The following SYN3 variants were observed in gnomAD, a reference collection of about 807,000 sequenced individuals.
SYN3 encodes synapsin III.
SYN3 carries 35 observed loss-of-function variants against 65.8 expected under a neutral mutation model. The observed-to-expected ratio is 0.53, with a 90% confidence interval of 0.41 to 0.70. The LOEUF is 0.70. SYN3 is among the 30% of genes least tolerant of loss of function. The pLI, the probability that SYN3 is intolerant of heterozygous loss-of-function variation, is 0.00. For synonymous variants in SYN3, 270 were observed against 292.9 expected, an observed-to-expected ratio of 0.92 and a Z score of 0.80; for missense variants, 680 against 749.0, an observed-to-expected ratio of 0.91 and a Z score of 1.08.
At chr22:32,666,885 A>G (rs1335154824) in intron 6 of SYN3, among the ~76,000 whole-genome samples, 1 of 151,644 alleles carries the variant, frequency 6.6e-6, no homozygotes, top group African/African-American at 2.4e-5. Flanking sequence ...ATAATGAACC[A>G]CCTCCCCACC....
chr22:32,770,849 G>GACACATAT (rs2045748163), intron 6 of SYN3, among the ~76,000 whole-genome samples: 2 of 65,862 alleles, frequency 3.0e-5, no homozygotes, highest in Non-Finnish European at 5.5e-5. Flanking sequence ...AAGAGTGCCT[G>GACACATAT]GCACATATGT....
At chr22:32,555,023 C>G (rs553702771) in intron 7 of SYN3, among the ~76,000 whole-genome samples, 152 of 152,314 alleles carry the variant, frequency 1.0e-3, no homozygotes, top group Non-Finnish European at 1.8e-3. Flanking sequence ...AATGTTATAA[C>G]TATCATTATT....
intron 6 of SYN3, among the ~76,000 whole-genome samples, chr22:32,814,604 T>G (rs1377319622): frequency 6.6e-6 from 1 of 152,234 alleles, no homozygotes; most frequent in East Asian, 1.9e-4. Context: ...GGATAGATTT[T>G]ATTTATTCAG....
chr22:32,542,874 G>A lies in SYN3; in HGVS notation c.775-1161C>T, dbSNP rs566841410. Among the ~76,000 whole-genome samples, 63 of 152,100 alleles carry A rather than the reference G, an allele frequency of 4.1e-4. 1 individual carries two copies. Among genetic ancestry groups the A allele is most frequent in the African/African-American group, 1.5e-3 (63 of 41,510 alleles). ...ACAGAGGCTGACTCCCAGCGGCTGTGGACAGCTGGGCCAGCTGCTCCCTCC... is the reference window on the plus strand; with the variant it reads ...ACAGAGGCTGACTCCCAGCGGCTGTAGACAGCTGGGCCAGCTGCTCCCTCC... On this transcript the variant is annotated intron_variant, in intron 7 of 13. Coordinates refer to ENST00000358763, the MANE Select transcript of SYN3 (RefSeq NM_003490.4).
At chr22:32,765,123 A>C (rs2045590135) in intron 6 of SYN3, among the ~76,000 whole-genome samples, 1 of 151,810 alleles carries the variant, frequency 6.6e-6, no homozygotes, top group South Asian at 2.1e-4. Flanking sequence ...TGAGAGCGAG[A>C]GAGTGTGTGA....
At chr22:32,726,263 T>C (rs538504430) in intron 6 of SYN3, among the ~76,000 whole-genome samples, 2 of 152,278 alleles carry the variant, frequency 1.3e-5, no homozygotes, top group East Asian at 3.9e-4. Context: ...TTGCCTCAGC[T>C]TCCCAAGTAG....
At chr22:32,904,685 T>C (rs1461298432) in intron 4 of SYN3, among the ~76,000 whole-genome samples, 1 of 152,198 alleles carries the variant, frequency 6.6e-6, no homozygotes, top group Non-Finnish European at 1.5e-5. Flanking sequence ...TGGGATTTTA[T>C]AAAGCATTTG....
chr22:32,700,601 A>G lies in SYN3; in HGVS notation c.712-103865T>C, dbSNP rs184940261. 1.9e-3 allele frequency among the ~76,000 whole-genome samples: 285 copies of G among 152,328 alleles called. 2 individuals are homozygous for G. The highest frequency in any genetic ancestry group is 6.6e-3 in the African/African-American group (275 of 41,566). On this transcript the variant is annotated intron_variant, in intron 6 of 13. Coordinates refer to ENST00000358763, the MANE Select transcript of SYN3 (RefSeq NM_003490.4). Reference sequence around the variant, plus strand: ...TCCCTTTCATAAACACTCACTAAGCACCGGTCACGTGCCAACCAATGCATC... The same window carrying G: ...TCCCTTTCATAAACACTCACTAAGCGCCGGTCACGTGCCAACCAATGCATC...
chr22:32,556,709 AG>A (rs2058501617), intron 7 of SYN3, among the ~76,000 whole-genome samples: 1 of 151,376 alleles, frequency 6.6e-6, no homozygotes, highest in African/African-American at 2.4e-5. Context: ...TGTAAAACAC[AG>A]GTCTGAGAAA....
intron 7 of SYN3, among the ~76,000 whole-genome samples, chr22:32,590,515 C>T (rs2059113617): frequency 6.6e-6 from 1 of 152,180 alleles, no homozygotes; most frequent in South Asian, 2.1e-4. Context: ...TTTGGTCACA[C>T]ATGCATGTAT....
chr22:32,617,292 C>A (rs1209537948), intron 6 of SYN3, among the ~76,000 whole-genome samples: 1 of 152,122 alleles, frequency 6.6e-6, no homozygotes, highest in Non-Finnish European at 1.5e-5. Context: ...GATGAAAGGA[C>A]ATGGTGTCTT....
At chr22:32,974,029 T>C (rs2052104313) in intron 3 of SYN3, among the ~76,000 whole-genome samples, 1 of 152,244 alleles carries the variant, frequency 6.6e-6, no homozygotes, top group Admixed American at 6.5e-5. Context: ...CCTCAGGTGA[T>C]TTGCCTGCCT....
intron 6 of SYN3, among the ~76,000 whole-genome samples, chr22:32,650,229 CT>C (rs1569124513): frequency 2.7e-4 from 33 of 122,292 alleles, no homozygotes; most frequent in East Asian, 9.4e-4. Context: ...CTCTCTCTCT[CT>C]CTCCCTCCCT....
intron 7 of SYN3, among the ~76,000 whole-genome samples, chr22:32,588,569 C>A (rs531699178): frequency 1.3e-5 from 2 of 152,176 alleles, no homozygotes; most frequent in African/African-American, 4.8e-5. Flanking sequence ...AACCAACCAC[C>A]TTCCTAAGCC....
chr22:32,851,963 T>G (rs2048230952), intron 6 of SYN3, among the ~76,000 whole-genome samples: 1 of 152,114 alleles, frequency 6.6e-6, no homozygotes. Context: ...CTTCCCACCC[T>G]CTCTCTGTGC....
intron 1 of SYN3, among the ~76,000 whole-genome samples, chr22:33,022,920 C>G (rs981173075): frequency 2.0e-5 from 3 of 152,262 alleles, no homozygotes; most frequent in Non-Finnish European, 4.4e-5. Context: ...AAAATATTCA[C>G]AGGATTTATT....
chr22:33,031,298 C>T (rs2145899003), intron 1 of SYN3, among the ~76,000 whole-genome samples: 2 of 152,298 alleles, frequency 1.3e-5, no homozygotes, highest in South Asian at 4.1e-4. Context: ...CTCTCCCACC[C>T]TCCTTATCTC....
chr22:32,839,562 G>A (rs2047834741), intron 6 of SYN3, among the ~76,000 whole-genome samples: 1 of 152,114 alleles, frequency 6.6e-6, no homozygotes, highest in Non-Finnish European at 1.5e-5. Context: ...CCAGCCCTAG[G>A]ACTTTTGCCC....
At chr22:33,028,670 G>GTGGTGGTGA (rs1569413425) in intron 1 of SYN3, among the ~76,000 whole-genome samples, 76 of 118,086 alleles carry the variant, frequency 6.4e-4, no homozygotes, top group Non-Finnish European at 1.1e-3. Context: ...GGTGGTGGTG[G>GTGGTGGTGA]TGGTGGTGGT....
Sources: gnomAD v4.1 joint callset for allele counts (sites outside exome capture counted in the v4.1 genomes callset) on GRCh38, gnomAD v4.1.1 for gene constraint, MANE v1.5 for transcripts, NCBI Gene and HGNC (gene_info 2026-07-23, HGNC 2026-07-21) for gene names.